Variants in RAD51B observed in about 807,000 individuals in gnomAD.
The protein encoded by RAD51B is RAD51 paralog B.
Under a neutral mutation model 42.2 loss-of-function variants are expected in RAD51B, and 38 were observed. That is an observed-to-expected ratio of 0.90 (90% CI 0.70 to 1.18). The LOEUF (loss-of-function observed/expected upper bound fraction) is 1.18, where lower values mean the gene tolerates loss of function less well. Among genes scored for constraint, RAD51B ranks in the 50% most tolerant of loss-of-function variants. The pLI is 0.00. For synonymous variants in RAD51B, 154 were observed against 145.2 expected (o/e 1.06, Z -0.43); for missense variants, 373 against 400.7 (o/e 0.93, Z 0.59).
chr14:68,014,992 G>C lies in RAD51B; in HGVS notation c.756+127788G>C, dbSNP rs1219395553. 1.3e-5 allele frequency among the ~76,000 whole-genome samples: 2 copies of C among 152,126 alleles called. 1 individual carries two copies. Among genetic ancestry groups the C allele is most frequent in the Non-Finnish European group, 2.9e-5 (2 of 68,032 alleles). ...AGAGGGGGTGTGGAGGCATGGTGAA[G>C]GGCAGGAGCTCCAGAGTTAGGCTGA... is the stretch of plus-strand genomic sequence containing the variant. On this transcript the variant is annotated intron_variant, in intron 7 of 10. Coordinates refer to ENST00000471583, the MANE Select transcript of RAD51B (RefSeq NM_133510.4).
rs565522057 is a variant in RAD51B at position 68,133,385 on chromosome 14, G to C, written c.757-158499G>C. On this transcript the variant is annotated intron_variant, in intron 7 of 10. Transcript: ENST00000471583. ...ATTTTCTAAAAATGAATGTCTGGTAGAAGAGAAGTCATGTATGCTTTTTAA... is the reference window on the plus strand; with the variant it reads ...ATTTTCTAAAAATGAATGTCTGGTACAAGAGAAGTCATGTATGCTTTTTAA... 7.2e-5 allele frequency among the ~76,000 whole-genome samples: 11 copies of C among 152,338 alleles called. No homozygotes were observed. In the South Asian group the frequency reaches 2.3e-3, roughly 32 times the overall value.
In RAD51B at chr14:68,170,373, C is replaced by T. The variant is rs1395253875; in HGVS notation, c.757-121511C>T. 5.3e-5 allele frequency among the ~76,000 whole-genome samples: 8 copies of T among 152,178 alleles called. No homozygotes were observed. In the South Asian group the frequency reaches 1.7e-3, roughly 32 times the overall value. ...TTTTAGTTAATTAACTACAAAATGT[C>T]TGGCTCAGGTTTAGGAGAGAATGAA... On this transcript the variant is annotated intron_variant, in intron 7 of 10. Transcript: ENST00000471583.
chr14:68,026,498 A>G (rs536704974), intron 7 of RAD51B, among the ~76,000 whole-genome samples: 9 of 151,884 alleles, frequency 5.9e-5, no homozygotes, highest in South Asian at 2.1e-4. Flanking sequence ...TCATAGGTCA[A>G]GAAGAACTTG....
intron 8 of RAD51B, among the ~76,000 whole-genome samples, chr14:68,362,634 G>A (rs890883928): frequency 6.6e-6 from 1 of 152,160 alleles, no homozygotes; most frequent in Non-Finnish European, 1.5e-5. Context: ...CGGATCACGA[G>A]ATCAGGAGAT....
chr14:68,123,191 C>CTTTTTTTTTTTTTTTTTTT (rs541886088), intron 7 of RAD51B, among the ~76,000 whole-genome samples: 1 of 125,500 alleles, frequency 8.0e-6, no homozygotes, highest in Non-Finnish European at 1.7e-5. Context: ...TTCTTTCTTT[C>CTTTTTTTTTTTTTTTTTTT]TTTTTTTTTT....
At chr14:68,385,697 A>G (rs763090698) in intron 8 of RAD51B, among the ~76,000 whole-genome samples, 2 of 152,176 alleles carry the variant, frequency 1.3e-5, no homozygotes, top group Non-Finnish European at 2.9e-5. Flanking sequence ...GTTCCTATCA[A>G]TTTATTTTGA....
chr14:68,465,962 ATAAAT>A (rs1370343850), intron 9 of RAD51B, among the ~76,000 whole-genome samples: 2 of 98,442 alleles, frequency 2.0e-5, no homozygotes, highest in Admixed American at 1.0e-4. Flanking sequence ...AAATAAATAA[ATAAAT>A]AAATAAATAA....
chr14:68,615,663 A>C (rs1891811373), downstream of RAD51B, among the ~76,000 whole-genome samples: 1 of 152,004 alleles, frequency 6.6e-6, no homozygotes, highest in African/African-American at 2.4e-5. Context: ...CCTTTTTGTC[A>C]CTATGAAATT....
At chr14:68,617,018 C>T (rs187561140) in intron 10 of RAD51B, among the ~76,000 whole-genome samples, 3 of 152,132 alleles carry the variant, frequency 2.0e-5, no homozygotes, top group South Asian at 2.1e-4. Context: ...TTTTAACGTG[C>T]CTGTCTGTTC....
chr14:68,473,099 A>C (rs2086166815), intron 10 of RAD51B, among the ~76,000 whole-genome samples: 1 of 152,222 alleles, frequency 6.6e-6, no homozygotes, highest in African/African-American at 2.4e-5. Flanking sequence ...GTAACCTATC[A>C]AAATGTTTTA....
chr14:68,584,521 A>G (rs1050238122), intron 10 of RAD51B, among the ~76,000 whole-genome samples: 2 of 151,876 alleles, frequency 1.3e-5, no homozygotes, highest in Non-Finnish European at 2.9e-5. Flanking sequence ...TCCCTATAGA[A>G]CCTTACCTCC....
intron 10 of RAD51B, among the ~76,000 whole-genome samples, chr14:68,560,267 C>T (rs1056694138): frequency 5.3e-5 from 8 of 151,976 alleles, no homozygotes; most frequent in African/African-American, 1.9e-4. Context: ...GTTGGAGAGG[C>T]GGAAAAAAAA....
intron 7 of RAD51B, among the ~76,000 whole-genome samples, chr14:68,021,810 A>T (rs185900236): frequency 3.3e-5 from 5 of 152,332 alleles, no homozygotes; most frequent in Admixed American, 1.3e-4. Flanking sequence ...ATGTCTAAAA[A>T]ATGTACAAGC....
chr14:67,856,369 T>TC (rs1344110584), intron 4 of RAD51B, among the ~76,000 whole-genome samples: 1 of 152,120 alleles, frequency 6.6e-6, no homozygotes, highest in Non-Finnish European at 1.5e-5. Context: ...TTTTTTTTTT[T>TC]CCTTTTTTAT....
chr14:68,537,201 C>T (rs1390181653), intron 10 of RAD51B, among the ~76,000 whole-genome samples: 1 of 149,084 alleles, frequency 6.7e-6, no homozygotes, highest in Non-Finnish European at 1.5e-5. Context: ...GGGGGTTGCT[C>T]TTAAAAAGGA....
At chr14:67,847,606 T>C (rs930610118) in intron 4 of RAD51B, among the ~76,000 whole-genome samples, 4 of 152,200 alleles carry the variant, frequency 2.6e-5, no homozygotes, top group African/African-American at 9.7e-5. Context: ...CTTCTTGATA[T>C]TCATTTTAAT....
chr14:68,650,441 C>G (rs1892677333), intron 10 of RAD51B, among the ~76,000 whole-genome samples: 2 of 152,196 alleles, frequency 1.3e-5, no homozygotes, highest in African/African-American at 4.8e-5. Context: ...CAGTACCAGC[C>G]TGACACATAG....
At chr14:68,413,040 TAC>T (rs1275023296) in intron 9 of RAD51B, among the ~76,000 whole-genome samples, 6 of 152,246 alleles carry the variant, frequency 3.9e-5, no homozygotes, top group Admixed American at 1.3e-4. Context: ...TTCTTACTGT[TAC>T]ACACGGAATT....
intron 7 of RAD51B, among the ~76,000 whole-genome samples, chr14:68,152,379 G>T (rs917614970): frequency 2.0e-5 from 3 of 152,082 alleles, no homozygotes; most frequent in African/African-American, 7.2e-5. Flanking sequence ...CGTTGAGAAT[G>T]TAGGCTGTGG....
Sources: allele counts gnomAD v4.1 joint callset (sites outside exome capture counted in the v4.1 genomes callset), GRCh38; gene constraint gnomAD v4.1.1; transcripts MANE v1.5; gene names NCBI Gene and HGNC (gene_info 2026-07-23, HGNC 2026-07-21).